The following RAB11FIP4 variants were observed in gnomAD, a reference collection of about 807,000 sequenced individuals.
RAB11FIP4 encodes the protein RAB11 family interacting protein 4.
In RAB11FIP4, 23 loss-of-function variants were observed where a neutral mutation model predicts 74.3. The ratio of observed to expected loss-of-function variants is 0.31; its 90% CI spans 0.22 to 0.44. The LOEUF is 0.44. Among genes scored for constraint, RAB11FIP4 ranks in the 20% least tolerant of loss-of-function variants. The pLI, the probability that RAB11FIP4 is intolerant of heterozygous loss-of-function variation, is 1.00. For missense variants in RAB11FIP4, 630 were observed against 863.9 expected (o/e 0.73, Z 3.39); for synonymous variants, 360 against 359.9 (o/e 1.00, Z 0.00).
intron 3 of RAB11FIP4, among the ~76,000 whole-genome samples, chr17:31,483,901 G>A (rs1359247021): frequency 1.3e-5 from 2 of 151,942 alleles, no homozygotes; most frequent in Non-Finnish European, 2.9e-5. Context: ...TTGCATGGTG[G>A]CAGCGAAAGA....
chr17:31,404,505 T>A (rs574745865), intron 1 of RAB11FIP4, among the ~76,000 whole-genome samples: 1 of 152,372 alleles, frequency 6.6e-6, no homozygotes. Context: ...AGTCTCCTCA[T>A]CTGTATAGTG....
At chr17:31,436,493 G>A (rs1191112631) in intron 3 of RAB11FIP4, among the ~76,000 whole-genome samples, 1 of 152,188 alleles carries the variant, frequency 6.6e-6, no homozygotes, top group Non-Finnish European at 1.5e-5. Context: ...GGCTGCTTTT[G>A]TGGCCCCCAC....
intron 3 of RAB11FIP4, among the ~76,000 whole-genome samples, chr17:31,487,311 G>T (rs1036176934): frequency 6.6e-6 from 1 of 152,194 alleles, no homozygotes; most frequent in African/African-American, 2.4e-5. Context: ...GTAGAGACGA[G>T]ATGTCGCTAT....
chr17:31,477,712 G>C (rs1420118351), intron 3 of RAB11FIP4, among the ~76,000 whole-genome samples: 1 of 152,170 alleles, frequency 6.6e-6, no homozygotes, highest in Admixed American at 6.5e-5. Flanking sequence ...GGTTACTTTG[G>C]GGAAGTTATT....
At chr17:31,474,063 G>A (rs1009164721) in intron 3 of RAB11FIP4, among the ~76,000 whole-genome samples, 10 of 152,180 alleles carry the variant, frequency 6.6e-5, no homozygotes, top group African/African-American at 9.7e-5. Context: ...CAGATGCCCC[G>A]GGGATCAGCT....
At chr17:31,406,484 G>A (rs1201439965) in intron 1 of RAB11FIP4, among the ~76,000 whole-genome samples, 1 of 152,252 alleles carries the variant, frequency 6.6e-6, no homozygotes, top group African/African-American at 2.4e-5. Flanking sequence ...CTGCCTCAAA[G>A]CAAGCCTTGC....
Position 31,481,472 on chromosome 17 carries a change from T to A in RAB11FIP4, c.337-36179T>A, listed in dbSNP as rs376101028. Among the ~76,000 whole-genome samples the A allele has an allele frequency of 2.6e-5, 4 of 152,130 alleles. No individual in the cohort carries two copies. In the South Asian group the frequency reaches 8.3e-4, roughly 32 times the overall value. On this transcript the variant is annotated intron_variant, in intron 3 of 14. Transcript: ENST00000621161. ...AATAGCCAATCAGAGACATGGGTAGTGGCACGCAGGGTGGGACCTCTGTGC... is the reference window on the plus strand; with the variant it reads ...AATAGCCAATCAGAGACATGGGTAGAGGCACGCAGGGTGGGACCTCTGTGC...
chr17:31,487,129 A>G (rs149277527), intron 3 of RAB11FIP4, among the ~76,000 whole-genome samples: 7 of 152,350 alleles, frequency 4.6e-5, no homozygotes, highest in African/African-American at 1.7e-4. Flanking sequence ...CCAGACAGGA[A>G]GATAAATCTC....
At chr17:31,405,513 G>T (rs1208793588) in intron 1 of RAB11FIP4, among the ~76,000 whole-genome samples, 1 of 152,128 alleles carries the variant, frequency 6.6e-6, no homozygotes, top group African/African-American at 2.4e-5. Context: ...GGGACTACAG[G>T]CATTTGCGCT....
chr17:31,508,744 T>G (rs72625001), intron 3 of RAB11FIP4, among the ~76,000 whole-genome samples: 30,368 of 152,090 alleles, frequency 0.2, 3,326 homozygotes, highest in East Asian at 0.5. Context: ...TGTGTGCATC[T>G]CTCTTAGTTG....
At chr17:31,453,251 T>C (rs879607014) in intron 3 of RAB11FIP4, among the ~76,000 whole-genome samples, 1 of 149,074 alleles carries the variant, frequency 6.7e-6, no homozygotes, top group Non-Finnish European at 1.5e-5. Context: ...CTCAGGAGGC[T>C]GAGGTGGGAG....
rs2072923316 is a variant in RAB11FIP4, at chr17:31,534,345, A to C, written c.*2613A>C. The C allele has an allele frequency of 6.6e-6, 1 of 152,168 alleles. No individual in the cohort carries two copies. The highest frequency in any genetic ancestry group is 1.5e-5 in the Non-Finnish European group (1 of 68,040). The allele number at this position is 152,168 out of a possible 1,614,324, so 9.4% of individuals were successfully genotyped here. ...TGTAGTGGTATGATCATAGCTCACC[A>C]CAACCTTGAACTCCCAGGCTCAAGC... On this transcript the variant is annotated 3_prime_UTR_variant, in exon 15 of 15. Transcript: ENST00000621161.
At chr17:31,436,746 GTTTTTTGTTTTTTTT>G (rs1184038593) in intron 3 of RAB11FIP4, among the ~76,000 whole-genome samples, 1 of 36,178 alleles carries the variant, frequency 2.8e-5, no homozygotes, top group Non-Finnish European at 5.5e-5. Context: ...TTTGGGTTTT[GTTTTTTGTTTTTTTT>G]TTGTTTTTTT....
At chr17:31,500,258 C>T (rs573768760) in intron 3 of RAB11FIP4, among the ~76,000 whole-genome samples, 2 of 152,212 alleles carry the variant, frequency 1.3e-5, no homozygotes, top group South Asian at 2.1e-4. Context: ...AGCTCTAGAC[C>T]GCTGTGGAGT....
chr17:31,476,763 G>A (rs1356255342), intron 3 of RAB11FIP4, among the ~76,000 whole-genome samples: 1 of 152,246 alleles, frequency 6.6e-6, no homozygotes, highest in Non-Finnish European at 1.5e-5. Context: ...CAGCCCTCCT[G>A]GGCTGCAGCC....
At chr17:31,522,649 G>T (rs2072690463) in intron 7 of RAB11FIP4, 2 of 544,136 alleles carry the variant, frequency 3.7e-6, no homozygotes, top group East Asian at 6.1e-5. Flanking sequence ...AGGCAGGCAT[G>T]CCAGGGATGC....
rs536565424 is a variant in RAB11FIP4, at chr17:31,450,493, C to T, written c.336+16371C>T. ...CCAAGTAGCTGGGATTATAGGACGG[C>T]GCCATCACACCCGGCTAATTTGCAT... is the stretch of plus-strand genomic sequence containing the variant. On this transcript the variant is annotated intron_variant, in intron 3 of 14. Transcript: ENST00000621161. 2.6e-5 allele frequency among the ~76,000 whole-genome samples: 4 copies of T among 152,038 alleles called. No homozygotes were observed. The South Asian group carries it at 6.3e-4, about 24-fold the overall frequency.
rs1279164482 is a variant in RAB11FIP4 at position 31,535,390 on chromosome 17, G to A, written c.*3658G>A. 3 of 152,252 alleles carry A rather than the reference G, an allele frequency of 2.0e-5. No individual in the cohort carries two copies. Among genetic ancestry groups the A allele is most frequent in the African/African-American group, 7.2e-5 (3 of 41,444 alleles). The allele number at this position is 152,252 out of a possible 1,614,324, so 9.4% of individuals were successfully genotyped here. On this transcript the variant is annotated 3_prime_UTR_variant, in exon 15 of 15. Coordinates refer to ENST00000621161, the MANE Select transcript of RAB11FIP4 (RefSeq NM_032932.6). ...CTGCTGTCTGGGCTGAACCCCCAGA[G>A]GTTCGGATTGAATTGGTGTGGGGTG...
intron 3 of RAB11FIP4, among the ~76,000 whole-genome samples, chr17:31,505,512 A>G (rs1189080627): frequency 1.7e-5 from 1 of 60,328 alleles, no homozygotes; most frequent in Non-Finnish European, 3.4e-5. Context: ...TATTATATAT[A>G]ATAATTATAT....
Sources: allele counts gnomAD v4.1 joint callset (sites outside exome capture counted in the v4.1 genomes callset), GRCh38; gene constraint gnomAD v4.1.1; transcripts MANE v1.5; gene names NCBI Gene and HGNC (gene_info 2026-07-23, HGNC 2026-07-21).